DSE: variants seen among roughly 807,000 people sequenced by gnomAD.
The protein encoded by DSE is dermatan sulfate epimerase, also known as dermatan-sulfate epimerase.
Under a neutral mutation model 84.4 loss-of-function variants are expected in DSE, and 36 were observed. That is an observed-to-expected ratio of 0.43 (90% confidence interval 0.33 to 0.56). The LOEUF (loss-of-function observed/expected upper bound fraction) is 0.56. Ranked by LOEUF, DSE falls within the 20% of genes least tolerant of loss-of-function variation. DSE has a pLI of 0.06. For missense variants in DSE, 862 were observed against 1,169.6 expected (o/e 0.74, Z 3.84); for synonymous variants, 410 against 430.1 (o/e 0.95, Z 0.58).
At chr6:116,367,734 G>A (rs1262620232), upstream of DSE, among the ~76,000 whole-genome samples, 1 of 152,108 alleles carries the variant, frequency 6.6e-6, no homozygotes, top group Non-Finnish European at 1.5e-5. Flanking sequence ...TGAAAAGATA[G>A]GTGAAGAAGC....
At chr6:116,349,221 C>A (rs1778174273) in intron 2 of DSE, among the ~76,000 whole-genome samples, 1 of 151,690 alleles carries the variant, frequency 6.6e-6, no homozygotes, top group South Asian at 2.1e-4. Context: ...ACACACACAC[C>A]CATATACATA....
chr6:116,325,791 A>G (rs534334178), intron 2 of DSE, among the ~76,000 whole-genome samples: 23 of 152,268 alleles, frequency 1.5e-4, no homozygotes, highest in African/African-American at 4.6e-4. Flanking sequence ...CTCAGACACC[A>G]AGTTAAAGAA....
intron 1 of DSE, chr6:116,255,395 A>C (rs942457483): frequency 6.6e-6 from 1 of 152,232 alleles, no homozygotes; most frequent in African/African-American, 2.4e-5. Context: ...GGTCACTGGC[A>C]GACAATACGG....
At chr6:116,294,316 C>T (rs142642215) in intron 2 of DSE, among the ~76,000 whole-genome samples, 10 of 152,232 alleles carry the variant, frequency 6.6e-5, no homozygotes, top group Non-Finnish European at 1.3e-4. Flanking sequence ...AGCCACTGTG[C>T]CTGGCCAAAA....
Position 116,399,359 on chromosome 6 carries a change from A to G in DSE, c.109A>G (p.Asn37Asp). The part of the protein sequence containing the change: ...ENPEVMIPFT[N>D]ANYDSHPMLY... ...CCCAGAAGTTATGATTCCCTTCACC[A>G]ATGCCAACTACGACAGCCATCCCAT... The change falls in exon 2 of 6, where the codon AAT becomes GAT. Residue 37 changes from asparagine (N) to aspartate (D), a missense_variant. Around this residue, in one of 4 missense-constraint regions of DSE, gnomAD observed 52 missense variants for 49.6 expected, o/e 1.05. Coordinates refer to ENST00000644252, the MANE Select transcript of DSE (RefSeq NM_013352.4). 1.2e-6 allele frequency: 2 copies of G among 1,614,076 alleles called. No homozygotes were observed. The highest frequency in any genetic ancestry group is 1.7e-6 in the Non-Finnish European group (2 of 1,180,032).
At chr6:116,357,708 A>T (rs1328808407) in intron 2 of DSE, among the ~76,000 whole-genome samples, 5 of 152,184 alleles carry the variant, frequency 3.3e-5, no homozygotes. Flanking sequence ...CCCCTACCAC[A>T]GAAATATTTG....
chr6:116,327,998 C>G (rs1426066205), intron 2 of DSE, among the ~76,000 whole-genome samples: 2 of 152,170 alleles, frequency 1.3e-5, no homozygotes, highest in Non-Finnish European at 2.9e-5. Context: ...CATCGGAGTT[C>G]AGATTCTTTT....
At chr6:116,318,824 TAAC>T in intron 2 of DSE, among the ~76,000 whole-genome samples, 1 of 152,206 alleles carries the variant, frequency 6.6e-6, no homozygotes, top group East Asian at 1.9e-4. Context: ...TGCTTATTAA[TAAC>T]AATAATAATG....
At chr6:116,411,750 C>T (rs1287528282) in intron 2 of DSE, among the ~76,000 whole-genome samples, 1 of 152,172 alleles carries the variant, frequency 6.6e-6, no homozygotes, top group Admixed American at 6.5e-5. Context: ...TTTCCAAGAG[C>T]CTGTTGATAT....
At chr6:116,370,550 G>T, upstream of DSE, 6 of 970,320 alleles carry the variant, frequency 6.2e-6, no homozygotes, top group Non-Finnish European at 7.4e-6. Context: ...TAGTATGGAA[G>T]CATCAGCTCC....
chr6:116,408,110 A>G (rs981185408), intron 2 of DSE, among the ~76,000 whole-genome samples: 10 of 152,248 alleles, frequency 6.6e-5, no homozygotes, highest in African/African-American at 1.9e-4. Context: ...CCCAATTCCT[A>G]TAGTTACTTT....
At chr6:116,370,541 A>G (rs1019012231), upstream of DSE, 2 of 981,402 alleles carry the variant, frequency 2.0e-6, no homozygotes, top group Non-Finnish European at 2.4e-6. Flanking sequence ...CTCGCAGAGT[A>G]GTATGGAAGC....
Position 116,436,199 on chromosome 6 carries a change from G to C in DSE, c.1731G>C (p.Glu577Asp). The C allele has an allele frequency of 6.2e-7, 1 of 1,613,914 alleles. No individual in the cohort carries two copies. The highest frequency in any genetic ancestry group is 8.5e-7 in the Non-Finnish European group (1 of 1,180,018). ...LLVDQIHLGEESPLETAASFF... is the reference protein window; with the variant it reads ...LLVDQIHLGEDSPLETAASFF... ...TAGACCAAATACACCTGGGAGAGGA[G>C]AGTCCCTTGGAGACAGCAGCGAGCT... The change falls in exon 6 of 6, where the codon GAG becomes GAC. Residue 577 changes from glutamate to aspartate, a missense_variant. This residue lies in a region of DSE where 186 missense variants were observed against 255.1 expected (regional missense o/e 0.73). Transcript: ENST00000644252.
intron 2 of DSE, among the ~76,000 whole-genome samples, chr6:116,305,177 T>G (rs73767733): frequency 0.045 from 6,911 of 151,988 alleles, 264 homozygotes; most frequent in African/African-American, 0.1. Context: ...CGCTAAATCC[T>G]GTTGGGTCTC....
Position 116,437,220 on chromosome 6 carries a change from A to T in DSE, c.2752A>T (p.Met918Leu), listed in dbSNP as rs780791978. Reference sequence around the variant, plus strand: ...TGCTATTTTCTTTGTCATGTTGGCAATGCAACTGACTTATTTCCAGAGGGC... The same window carrying T: ...TGCTATTTTCTTTGTCATGTTGGCATTGCAACTGACTTATTTCCAGAGGGC... The part of the protein sequence containing the change: ...NIAIFFVMLA[M>L]QLTYFQRAQS... Residue 918 changes from methionine to leucine, a missense_variant, in exon 6 of 6, where the codon ATG becomes TTG. Coordinates refer to ENST00000644252, the MANE Select transcript of DSE (RefSeq NM_013352.4). 8 of 1,614,092 alleles carry T rather than the reference A, an allele frequency of 5.0e-6. No individual in the cohort carries two copies. The South Asian group carries it at 8.8e-5, about 18-fold the overall frequency.
intron 2 of DSE, among the ~76,000 whole-genome samples, chr6:116,352,025 T>G (rs1267210102): frequency 1.3e-5 from 2 of 152,226 alleles, no homozygotes; most frequent in Non-Finnish European, 2.9e-5. Flanking sequence ...CTTTATTAAT[T>G]TGTGTAACCT....
At chr6:116,361,315 T>A (rs1309925529) in intron 2 of DSE, among the ~76,000 whole-genome samples, 1 of 152,144 alleles carries the variant, frequency 6.6e-6, no homozygotes. Context: ...TGCCTCAGCC[T>A]CCCAAAGTGC....
intron 2 of DSE, among the ~76,000 whole-genome samples, chr6:116,325,821 G>T (rs1177030312): frequency 6.6e-6 from 1 of 152,166 alleles, no homozygotes; most frequent in Non-Finnish European, 1.5e-5. Context: ...TTGTTCAGCC[G>T]GGGGCATCGG....
chr6:116,414,210 A>C (rs564623944), intron 2 of DSE, among the ~76,000 whole-genome samples: 6 of 152,206 alleles, frequency 3.9e-5, no homozygotes, highest in Non-Finnish European at 8.8e-5. Context: ...AATAGGCTTC[A>C]TTCCTTCTGG....
Sources: gnomAD v4.1 joint callset for allele counts (sites outside exome capture counted in the v4.1 genomes callset) on GRCh38, gnomAD v4.1.1 for gene constraint, gnomAD v4.1.1 regional missense constraint, MANE v1.5 for transcripts, NCBI Gene and HGNC (gene_info 2026-07-23, HGNC 2026-07-21) for gene names.